MAPK10: variants seen among roughly 807,000 people sequenced by gnomAD.
MAPK10 encodes mitogen-activated protein kinase 10, also known as JNK3 alpha protein kinase.
A neutral mutation model predicts 59.3 loss-of-function variants in MAPK10; 25 were observed. That is an observed-to-expected ratio of 0.42 (90% CI 0.31 to 0.59). The LOEUF is 0.59. Ranked by LOEUF, MAPK10 falls within the 20% of genes least tolerant of loss-of-function variation. The probability of loss-of-function intolerance (pLI) is 0.15; values close to 1 mark genes in which losing one functional copy is unlikely to be tolerated. For synonymous variants in MAPK10, 190 were observed against 200.5 expected (o/e 0.95, Z 0.44); for missense variants, 351 against 568.9 (o/e 0.62, Z 3.90).
intron 2 of MAPK10, among the ~76,000 whole-genome samples, chr4:86,299,060 T>C (rs2095421575): frequency 6.6e-6 from 1 of 152,218 alleles, no homozygotes; most frequent in South Asian, 2.1e-4. Context: ...GATATAAACT[T>C]CTTGATATGT....
chr4:86,392,060 T>G (rs529349909), intron 1 of MAPK10, among the ~76,000 whole-genome samples: 1 of 152,272 alleles, frequency 6.6e-6, no homozygotes, highest in South Asian at 2.1e-4. Context: ...GAGTATCTCT[T>G]ACACTGGATC....
intron 4 of MAPK10, among the ~76,000 whole-genome samples, chr4:86,109,787 T>G (rs760270054): frequency 6.6e-6 from 1 of 152,234 alleles, no homozygotes; most frequent in Admixed American, 6.5e-5. Flanking sequence ...TATTTCTGGT[T>G]CTAGGTCTTT....
At chr4:86,509,990 T>TC (rs1223226602) in intron 1 of MAPK10, among the ~76,000 whole-genome samples, 11 of 152,350 alleles carry the variant, frequency 7.2e-5, no homozygotes, top group African/African-American at 2.4e-4. Context: ...GGCTAGAAAT[T>TC]CCTTAAGAAA....
intron 2 of MAPK10, among the ~76,000 whole-genome samples, chr4:86,288,260 G>T (rs1041295967): frequency 7.3e-5 from 11 of 151,268 alleles, no homozygotes; most frequent in Non-Finnish European, 1.3e-4. Context: ...TGCCATGCTG[G>T]TGTGCTGCAC....
At chr4:86,251,264 C>T (rs567163592) in intron 2 of MAPK10, among the ~76,000 whole-genome samples, 6 of 151,620 alleles carry the variant, frequency 4.0e-5, no homozygotes, top group South Asian at 4.2e-4. Context: ...CATGCTGGTG[C>T]GCTGCACCCA....
intron 1 of MAPK10, among the ~76,000 whole-genome samples, chr4:86,373,466 A>T (rs537844776): frequency 1.9e-4 from 29 of 152,356 alleles, no homozygotes; most frequent in Non-Finnish European, 3.2e-4. Flanking sequence ...ATCAGAGTGA[A>T]CAGGCAACCT....
intron 1 of MAPK10, among the ~76,000 whole-genome samples, chr4:86,521,183 T>C (rs1370531990): frequency 6.6e-6 from 1 of 152,248 alleles, no homozygotes; most frequent in African/African-American, 2.4e-5. Flanking sequence ...TGTTTTCTCC[T>C]TCTTTGGAGC....
At chr4:86,466,672 A>G (rs1465048076) in intron 1 of MAPK10, among the ~76,000 whole-genome samples, 1 of 152,244 alleles carries the variant, frequency 6.6e-6, no homozygotes, top group Non-Finnish European at 1.5e-5. Flanking sequence ...TTCACAGAAC[A>G]TGTAGGAGAA....
intron 1 of MAPK10, among the ~76,000 whole-genome samples, chr4:86,409,548 C>A (rs562512155): frequency 6.6e-6 from 1 of 152,262 alleles, no homozygotes; most frequent in African/African-American, 2.4e-5. Context: ...GAATGTTCTT[C>A]CACTTGTTTG....
At position 86,528,378 on chromosome 4, in the gene MAPK10, G is replaced by A. The variant is rs1306909218; in HGVS notation, c.-263+65532C>T. Among the ~76,000 whole-genome samples the A allele has an allele frequency of 5.3e-5, 8 of 151,728 alleles. No individual in the cohort carries two copies. In the East Asian group the frequency reaches 1.5e-3, roughly 29 times the overall value. On this transcript the variant is annotated intron_variant, in intron 1 of 4. Coordinates refer to the MAPK10 transcript ENST00000502302. The stretch of plus-strand genomic sequence containing the variant: ...AACAACATAAAAATTGCATAGTTGA[G>A]GGAGAGGACCAGAAAAGAAAACTTA...
At chr4:86,360,665 T>A (rs545973423), upstream of MAPK10, among the ~76,000 whole-genome samples, 1 of 152,302 alleles carries the variant, frequency 6.6e-6, no homozygotes, top group East Asian at 1.9e-4. Context: ...CACATCAGAA[T>A]TCTTTTTTTT....
chr4:86,140,299 A>T (rs1169845096), intron 4 of MAPK10, among the ~76,000 whole-genome samples: 21 of 123,466 alleles, frequency 1.7e-4, no homozygotes, highest in Admixed American at 3.3e-4. Flanking sequence ...TCCAACAATG[A>T]TAGACTGGAT....
intron 1 of MAPK10, among the ~76,000 whole-genome samples, chr4:86,383,741 C>G (rs1333548089): frequency 6.6e-6 from 1 of 152,058 alleles, no homozygotes; most frequent in East Asian, 1.9e-4. Flanking sequence ...ATCCTTTAAG[C>G]TTACATTTGA....
intron 1 of MAPK10, among the ~76,000 whole-genome samples, chr4:86,557,566 C>T (rs1339836817): frequency 6.6e-6 from 1 of 152,000 alleles, no homozygotes; most frequent in Non-Finnish European, 1.5e-5. Flanking sequence ...TAGTTGTAAT[C>T]ATTTACAAAT....
At chr4:86,443,592 G>A (rs1372266119) in intron 1 of MAPK10, among the ~76,000 whole-genome samples, 2 of 151,322 alleles carry the variant, frequency 1.3e-5, no homozygotes, top group Admixed American at 1.3e-4. Context: ...GGACTATTGA[G>A]CCCTTTCCCA....
At chr4:86,365,913 T>C (rs943601258) in intron 1 of MAPK10, among the ~76,000 whole-genome samples, 1 of 152,160 alleles carries the variant, frequency 6.6e-6, no homozygotes, top group African/African-American at 2.4e-5. Flanking sequence ...TTCAAAAGCA[T>C]GGAAATGTAT....
intron 1 of MAPK10, among the ~76,000 whole-genome samples, chr4:86,529,855 C>T (rs1757735135): frequency 6.6e-6 from 1 of 152,096 alleles, no homozygotes; most frequent in Admixed American, 6.5e-5. Context: ...AGTTACATGG[C>T]ATAAGGAAAA....
At chr4:86,225,142 C>T (rs2090388574) in intron 2 of MAPK10, among the ~76,000 whole-genome samples, 1 of 152,122 alleles carries the variant, frequency 6.6e-6, no homozygotes, top group African/African-American at 2.4e-5. Context: ...AAGCTGTTAT[C>T]CCTAGAAATC....
intron 1 of MAPK10, among the ~76,000 whole-genome samples, chr4:86,393,023 G>A (rs1373213225): frequency 1.3e-5 from 2 of 152,212 alleles, no homozygotes; most frequent in African/African-American, 4.8e-5. Context: ...GTCCTTGAAT[G>A]TAACTTCTTG....
Sources: allele counts gnomAD v4.1 joint callset (sites outside exome capture counted in the v4.1 genomes callset), GRCh38; gene constraint gnomAD v4.1.1; transcripts MANE v1.5; gene names NCBI Gene and HGNC (gene_info 2026-07-23, HGNC 2026-07-21).